The following PTP4A1 variants were observed in gnomAD, a reference collection of about 807,000 sequenced individuals.
PTP4A1 encodes protein tyrosine phosphatase 4A1.
PTP4A1 carries 9 observed loss-of-function variants against 20.5 expected under a neutral mutation model. That is an observed-to-expected ratio of 0.44 (90% CI 0.26 to 0.77). The LOEUF (loss-of-function observed/expected upper bound fraction) is 0.77. Ranked by LOEUF, PTP4A1 falls within the 30% of genes least tolerant of loss-of-function variation. The pLI, the probability that PTP4A1 is intolerant of heterozygous loss-of-function variation, is 0.19. For missense variants in PTP4A1, 137 were observed against 218.8 expected, an observed-to-expected ratio of 0.63 and a Z score of 2.36; for synonymous variants, 78 against 67.4, an observed-to-expected ratio of 1.16 and a Z score of -0.77.
upstream of PTP4A1, chr6:63,570,999 A>G (rs1197194423): frequency 6.6e-6 from 1 of 152,208 alleles, no homozygotes; most frequent in Non-Finnish European, 1.5e-5. Context: ...TTAAGATTTT[A>G]AAGTCTTTAC....
At chr6:63,519,628 C>T (rs1174597874), upstream of PTP4A1, among the ~76,000 whole-genome samples, 2 of 152,090 alleles carry the variant, frequency 1.3e-5, no homozygotes, top group Admixed American at 1.3e-4. Flanking sequence ...AATTACAGCC[C>T]ATTATGTGAC....
chr6:63,548,053 C>T (rs1341670923), intron 2 of PTP4A1, among the ~76,000 whole-genome samples: 1 of 152,176 alleles, frequency 6.6e-6, no homozygotes, highest in Non-Finnish European at 1.5e-5. Flanking sequence ...CTGCCCACAT[C>T]CCCCATATTC....
At chr6:63,526,832 TA>T (rs1484591245) in intron 1 of PTP4A1, among the ~76,000 whole-genome samples, 4,049 of 139,960 alleles carry the variant, frequency 0.029, 54 homozygotes, top group African/African-American at 0.041. Context: ...TATATATATA[TA>T]TATTTATTTA....
rs140708926 is a variant in PTP4A1 at position 63,533,348 on chromosome 6, C to T, written c.-640+5264C>T. 3.7e-4 allele frequency among the ~76,000 whole-genome samples: 57 copies of T among 152,262 alleles called. No individual in the cohort carries two copies. The East Asian group carries it at 0.011, about 29-fold the overall frequency. ...AGTGAGCCAAGATTATGACACTGCACTTCAGCCTGGGCCACAGAGCAAGAC... is the reference window on the plus strand; with the variant it reads ...AGTGAGCCAAGATTATGACACTGCATTTCAGCCTGGGCCACAGAGCAAGAC... On this transcript the variant is annotated intron_variant, in intron 2 of 3. Coordinates refer to the PTP4A1 transcript ENST00000639568.
intron 1 of PTP4A1, among the ~76,000 whole-genome samples, chr6:63,575,347 C>A (rs148887065): frequency 6.6e-6 from 1 of 152,114 alleles, no homozygotes; most frequent in African/African-American, 2.4e-5. Context: ...CCTCTTTACT[C>A]CCGAGTACAC....
At chr6:63,571,138 G>C (rs751164860), upstream of PTP4A1, 2 of 152,098 alleles carry the variant, frequency 1.3e-5, no homozygotes, top group Non-Finnish European at 2.9e-5. Flanking sequence ...TTGTTCCTTT[G>C]AAAGTCTGGC....
At chr6:63,551,200 G>T (rs1205810270) in intron 3 of PTP4A1, among the ~76,000 whole-genome samples, 1 of 151,928 alleles carries the variant, frequency 6.6e-6, no homozygotes, top group Non-Finnish European at 1.5e-5. Context: ...CAAATAGCTG[G>T]GACTACAGGG....
At chr6:63,564,518 C>T (rs1359449611) in intron 3 of PTP4A1, among the ~76,000 whole-genome samples, 1 of 152,184 alleles carries the variant, frequency 6.6e-6, no homozygotes, top group East Asian at 1.9e-4. Context: ...TTATGTAAGG[C>T]CTGCCCCAGT....
chr6:63,522,493 T>G (rs1227584707), intron 1 of PTP4A1, among the ~76,000 whole-genome samples: 1 of 152,208 alleles, frequency 6.6e-6, no homozygotes, highest in African/African-American at 2.4e-5. Flanking sequence ...TCGCCAAGAC[T>G]GTATCCATGA....
At chr6:63,542,829 A>T (rs1776037281) in intron 2 of PTP4A1, among the ~76,000 whole-genome samples, 1 of 152,110 alleles carries the variant, frequency 6.6e-6, no homozygotes, top group Non-Finnish European at 1.5e-5. Flanking sequence ...ATCCCATATT[A>T]TCACCACCTC....
chr6:63,576,682 C>A lies in PTP4A1; in HGVS notation c.-199C>A, dbSNP rs1777885338. ...CAGTGCACTTCTTTTCTGTTGGCCT[C>A]AGTATTACTGGATTGAAGAATTGCT... is the stretch of plus-strand genomic sequence containing the variant. On this transcript the variant is annotated 5_prime_UTR_variant, in exon 2 of 6. Transcript: ENST00000626021. The A allele has an allele frequency of 1.7e-6, 1 of 586,846 alleles. No individual in the cohort carries two copies. Among genetic ancestry groups the A allele is most frequent in the Non-Finnish European group, 3.0e-6 (1 of 334,844 alleles). 36.4% of individuals were successfully genotyped at this position (586,846 alleles called of 1,614,324 possible).
chr6:63,564,111 C>T (rs927119377), intron 3 of PTP4A1, among the ~76,000 whole-genome samples: 1 of 152,020 alleles, frequency 6.6e-6, no homozygotes, highest in South Asian at 2.1e-4. Flanking sequence ...CCCATCTCTA[C>T]TAAAAATACA....
intron 2 of PTP4A1, among the ~76,000 whole-genome samples, chr6:63,540,935 G>A (rs922874532): frequency 2.3e-4 from 35 of 151,194 alleles, no homozygotes; most frequent in Non-Finnish European, 3.7e-4. Flanking sequence ...CCCCGGGGGC[G>A]GAGGTTGCAG....
At chr6:63,518,675 T>C (rs971945701), upstream of PTP4A1, among the ~76,000 whole-genome samples, 2 of 152,214 alleles carry the variant, frequency 1.3e-5, no homozygotes, top group Admixed American at 6.5e-5. Context: ...AGGTTCTTTC[T>C]AGCAAGCCAT....
At chr6:63,517,513 T>G (rs917390300), upstream of PTP4A1, among the ~76,000 whole-genome samples, 1 of 152,184 alleles carries the variant, frequency 6.6e-6, no homozygotes, top group Admixed American at 6.6e-5. Flanking sequence ...TGGTGAAAGA[T>G]CTCCTGATGA....
chr6:63,537,428 C>CCAGGCT (rs1162434113), intron 2 of PTP4A1, among the ~76,000 whole-genome samples: 1 of 152,092 alleles, frequency 6.6e-6, no homozygotes, highest in African/African-American at 2.4e-5. Flanking sequence ...ATGCCCAGGC[C>CCAGGCT]CAGGCTCAGA....
At chr6:63,530,084 T>C (rs1029559826) in intron 2 of PTP4A1, among the ~76,000 whole-genome samples, 1 of 152,180 alleles carries the variant, frequency 6.6e-6, no homozygotes, top group Non-Finnish European at 1.5e-5. Flanking sequence ...AATAACAGTA[T>C]AGATTTCTGA....
In PTP4A1 at chr6:63,581,960, G is replaced by A. The variant is rs186956654; in HGVS notation, c.*1786G>A. The stretch of plus-strand genomic sequence containing the variant: ...GTCTTTGTCTAATTTTTTTTGAATA[G>A]CAGTTATAAATGTAAAGGACTCAAA... On this transcript the variant is annotated 3_prime_UTR_variant, in exon 6 of 6. Transcript: ENST00000626021. 1.3e-4 allele frequency: 20 copies of A among 152,062 alleles called. No individual in the cohort carries two copies. Among genetic ancestry groups the A allele is most frequent in the African/African-American group, 4.6e-4 (19 of 41,486 alleles). The allele number at this position is 152,062 out of a possible 1,614,324, so 9.4% of individuals were successfully genotyped here.
At chr6:63,578,131 G>C (rs991108863) in intron 2 of PTP4A1, among the ~76,000 whole-genome samples, 2 of 152,014 alleles carry the variant, frequency 1.3e-5, no homozygotes, top group Non-Finnish European at 2.9e-5. Context: ...TCCCAATCCG[G>C]TATTACCATG....
Sources: gnomAD v4.1 joint callset for allele counts (sites outside exome capture counted in the v4.1 genomes callset) on GRCh38, gnomAD v4.1.1 for gene constraint, MANE v1.5 for transcripts, NCBI Gene and HGNC (gene_info 2026-07-23, HGNC 2026-07-21) for gene names.